The following IPO7 variants were observed in gnomAD, a reference collection of about 807,000 sequenced individuals.
IPO7 encodes the protein importin-7.
In IPO7, 13 loss-of-function variants were observed where a neutral mutation model predicts 136.4. The observed-to-expected ratio is 0.10, with a 90% CI of 0.06 to 0.15. The LOEUF (loss-of-function observed/expected upper bound fraction) is 0.15. IPO7 is among the 10% of genes least tolerant of loss of function. The pLI, the probability that IPO7 is intolerant of heterozygous loss-of-function variation, is 1.00. For missense variants in IPO7, 857 were observed against 1,240.6 expected, an observed-to-expected ratio of 0.69 and a Z score of 4.65; for synonymous variants, 403 against 404.4, an observed-to-expected ratio of 1.00 and a Z score of 0.04.
intron 10 of IPO7, 65 bp from the exon 11 acceptor site, chr11:9,424,849 A>G: frequency 3.0e-6 from 3 of 1,013,206 alleles, no homozygotes; most frequent in Non-Finnish European, 4.6e-6. Context: ...AAGATTAAGC[A>G]TGTTTTTTAA....
Position 9,403,384 on chromosome 11 carries a change from A to G in IPO7, c.166+13A>G, listed in dbSNP as rs925621215. 6.4e-6 allele frequency: 10 copies of G among 1,554,624 alleles called. No homozygotes were observed. In the Admixed American group the frequency reaches 1.7e-4, roughly 26 times the overall value. ...GTGAGACAGGCAGGCAAGTTTCCTAAATTATATTGAGTGTATGTAATCTAT... is the reference window on the plus strand; with the variant it reads ...GTGAGACAGGCAGGCAAGTTTCCTAGATTATATTGAGTGTATGTAATCTAT... On this transcript the variant is annotated intron_variant, in intron 2 of 24. Transcript: ENST00000379719.
At chr11:9,395,761 G>T (rs1229616459) in intron 1 of IPO7, among the ~76,000 whole-genome samples, 6 of 152,114 alleles carry the variant, frequency 3.9e-5, no homozygotes, top group Admixed American at 1.3e-4. Flanking sequence ...CCGTTCCCCA[G>T]GCTGAAGTGC....
intron 11 of IPO7, 55 bp downstream of exon 11, chr11:9,425,045 C>T: frequency 1.5e-6 from 2 of 1,344,748 alleles, no homozygotes; most frequent in Non-Finnish European, 2.1e-6. Flanking sequence ...ATTTATTCAA[C>T]TATACACTTT....
intron 1 of IPO7, among the ~76,000 whole-genome samples, chr11:9,389,665 A>C (rs1020706904): frequency 6.6e-6 from 1 of 152,270 alleles, no homozygotes; most frequent in Admixed American, 6.5e-5. Flanking sequence ...GCAGTCAAGA[A>C]AAATGCTGTA....
At chr11:9,428,869 A>G (rs201202081) in intron 13 of IPO7, 162 bp from the exon 14 acceptor site, 3 of 803,776 alleles carry the variant, frequency 3.7e-6, no homozygotes, top group Middle Eastern at 2.2e-4. Flanking sequence ...TCATGCGGCC[A>G]AAGAGTAACT....
At chr11:9,409,053 T>A (rs1050840892) in intron 3 of IPO7, among the ~76,000 whole-genome samples, 2 of 151,636 alleles carry the variant, frequency 1.3e-5, no homozygotes, top group Non-Finnish European at 2.9e-5. Context: ...CATATAGGCC[T>A]GTTTTTTTTG....
chr11:9,425,358 C>A, intron 12 of IPO7, 96 bp downstream of exon 12: 2 of 764,940 alleles, frequency 2.6e-6, no homozygotes, highest in Non-Finnish European at 4.5e-6. Context: ...ATAATCCCAG[C>A]ACTTTCGGGA....
Position 9,420,707 on chromosome 11 carries a change from G to GT in IPO7, c.906+14dup. ...CTGTTGGTGTCCAGCAAGTAAGTCTGTTTTTAGTTTTTCTCAGTGGAAACA... is the reference window on the plus strand; with the variant it reads ...CTGTTGGTGTCCAGCAAGTAAGTCTGTTTTTTAGTTTTTCTCAGTGGAAACA... On this transcript the variant is annotated intron_variant, in intron 8 of 24. Transcript: ENST00000379719. 1.3e-6 allele frequency: 2 copies of GT among 1,579,440 alleles called. No homozygotes were observed. Among genetic ancestry groups the GT allele is most frequent in the Non-Finnish European group, 1.7e-6 (2 of 1,150,236 alleles).
At chr11:9,387,083 T>A (rs892884827) in intron 1 of IPO7, among the ~76,000 whole-genome samples, 1 of 152,200 alleles carries the variant, frequency 6.6e-6, no homozygotes, top group Non-Finnish European at 1.5e-5. Flanking sequence ...AGACAAGTCT[T>A]GAATATTGTT....
At chr11:9,397,113 CAG>C (rs1854719217) in intron 1 of IPO7, among the ~76,000 whole-genome samples, 1 of 151,008 alleles carries the variant, frequency 6.6e-6, no homozygotes, top group Non-Finnish European at 1.5e-5. Context: ...CCAACAAAAA[CAG>C]TGGTGGTTTT....
intron 1 of IPO7, chr11:9,402,979 G>A (rs943828313): frequency 8.0e-5 from 22 of 273,710 alleles, no homozygotes; most frequent in East Asian, 3.8e-4. Flanking sequence ...CCAAGATTGC[G>A]TCACTGCACT....
chr11:9,425,011 G>T, intron 11 of IPO7, 21 bp downstream of exon 11: 1 of 1,481,860 alleles, frequency 6.7e-7, no homozygotes, highest in Non-Finnish European at 9.3e-7. Flanking sequence ...TTAATGTTTA[G>T]ATAACTTTTC....
chr11:9,410,631 G>A (rs984809124), intron 4 of IPO7, among the ~76,000 whole-genome samples: 1 of 152,060 alleles, frequency 6.6e-6, no homozygotes, highest in African/African-American at 2.4e-5. Context: ...TAGGTCATTA[G>A]TATTAGAAAA....
intron 24 of IPO7, among the ~76,000 whole-genome samples, chr11:9,442,660 G>A (rs1044520154): frequency 6.6e-5 from 10 of 151,966 alleles, no homozygotes; most frequent in African/African-American, 2.4e-5. Context: ...TGACCCGCCC[G>A]CCTCGGCCTC....
Position 9,422,993 on chromosome 11 carries a change from AT to A in IPO7, c.907-6del. 2.0e-6 allele frequency: 3 copies of A among 1,509,822 alleles called. No individual in the cohort carries two copies. The highest frequency in any genetic ancestry group is 1.4e-5 in the South Asian group (1 of 74,030). 93.5% of individuals were successfully genotyped at this position (1,509,822 alleles called of 1,614,324 possible). A position where few individuals can be genotyped will look rare whatever the true frequency, so the allele number is the denominator to read the frequency against. The stretch of plus-strand genomic sequence containing the variant: ...TTTGAACATTGATTTGTGATCGAAA[AT>A]TTTTTTCCAAGGTTTTATTGAAGGT... On this transcript the variant is annotated splice_polypyrimidine_tract_variant and intron_variant, in intron 8 of 24. Coordinates refer to ENST00000379719, the MANE Select transcript of IPO7 (RefSeq NM_006391.3).
chr11:9,384,897 T>TGGTG, intron 1 of IPO7, 50 bp downstream of exon 1: 1 of 1,457,890 alleles, frequency 6.9e-7, no homozygotes. Context: ...TGGGCAGAAG[T>TGGTG]GGCAGGCCGA....
rs183804560 is a variant in IPO7 at position 9,403,669 on chromosome 11, A to C, written c.166+298A>C. On this transcript the variant is annotated intron_variant, in intron 2 of 24. Coordinates refer to ENST00000379719, the MANE Select transcript of IPO7 (RefSeq NM_006391.3). The stretch of plus-strand genomic sequence containing the variant: ...TGATGGGTGATTATAAGACTCAAAC[A>C]TGTTTGTTTATATAGTCATCTCTTA... 3 of 289,154 alleles carry C rather than the reference A, an allele frequency of 1.0e-5. No homozygotes were observed. In the East Asian group the frequency reaches 2.4e-4, roughly 24 times the overall value. 17.9% of individuals were successfully genotyped at this position (289,154 alleles called of 1,614,324 possible).
chr11:9,387,665 C>T (rs1427757048), intron 1 of IPO7, among the ~76,000 whole-genome samples: 1 of 152,030 alleles, frequency 6.6e-6, no homozygotes, highest in African/African-American at 2.4e-5. Context: ...AACCCCATCT[C>T]TACTAAGAAT....
At chr11:9,393,750 G>A (rs1854670698) in intron 1 of IPO7, among the ~76,000 whole-genome samples, 1 of 152,092 alleles carries the variant, frequency 6.6e-6, no homozygotes, top group Non-Finnish European at 1.5e-5. Context: ...TTTTGAAAAT[G>A]AGTAAAAAAT....
Sources: allele counts gnomAD v4.1 joint callset (sites outside exome capture counted in the v4.1 genomes callset), GRCh38; gene constraint gnomAD v4.1.1; transcripts MANE v1.5; gene names NCBI Gene and HGNC (gene_info 2026-07-23, HGNC 2026-07-21).